The following RSRP1 variants were observed in gnomAD, a reference collection of about 807,000 sequenced individuals.
RSRP1 encodes the protein arginine/serine-rich protein 1.
Under a neutral mutation model 33.0 loss-of-function variants are expected in RSRP1, and 37 were observed. The ratio of observed to expected loss-of-function variants is 1.12; its 90% CI spans 0.86 to 1.48. The LOEUF (loss-of-function observed/expected upper bound fraction) is 1.48. Ranked by LOEUF, RSRP1 falls within the 40% of genes most tolerant of loss-of-function variation. The pLI is 0.00. For missense variants in RSRP1, 402 were observed against 385.3 expected (o/e 1.04, Z -0.36); for synonymous variants, 167 against 158.7 (o/e 1.05, Z -0.40).
At chr1:25,301,901 G>T (rs1381341277) in intron 1 of RSRP1, among the ~76,000 whole-genome samples, 1 of 131,116 alleles carries the variant, frequency 7.6e-6, no homozygotes, top group Non-Finnish European at 1.8e-5. Flanking sequence ...AGGCTTTCTG[G>T]GGGTAGTGAT....
At chr1:25,256,063 T>A (rs1213497681) in intron 1 of RSRP1, among the ~76,000 whole-genome samples, 2 of 152,066 alleles carry the variant, frequency 1.3e-5, no homozygotes, top group Admixed American at 1.3e-4. Flanking sequence ...GAGAACCAGC[T>A]CTGAACGTTG....
At chr1:25,293,076 T>C (rs1416379237) in intron 1 of RSRP1, among the ~76,000 whole-genome samples, 1 of 130,160 alleles carries the variant, frequency 7.7e-6, no homozygotes, top group African/African-American at 2.7e-5. Context: ...GCATGCATGG[T>C]TGTAGAGGAG....
At chr1:25,293,530 A>G (rs542003415) in intron 1 of RSRP1, among the ~76,000 whole-genome samples, 2,490 of 131,620 alleles carry the variant, frequency 0.019, 337 homozygotes, top group African/African-American at 0.059. Flanking sequence ...TTTACAATGG[A>G]TAATATTTTG....
upstream of RSRP1, chr1:25,247,661 G>C (rs1020644524): frequency 6.6e-6 from 1 of 152,312 alleles, no homozygotes; most frequent in Non-Finnish European, 1.5e-5. Context: ...TGATACATCA[G>C]GGTGTCCCGT....
rs1327655652 is a variant in RSRP1, at chr1:25,314,889, T to C, written c.-67+23089A>G. Among the ~76,000 whole-genome samples the C allele has an allele frequency of 5.3e-5, 7 of 131,062 alleles. 2 individuals carry two copies. Among genetic ancestry groups the C allele is most frequent in the South Asian group, 2.4e-4 (1 of 4,252 alleles). 86.0% of individuals were successfully genotyped at this position (131,062 alleles called of 152,430 possible). On this transcript the variant is annotated intron_variant, in intron 1 of 1. Transcript: ENST00000561867. ...CCAATTTATCATTGTTCCCTTTATG[T>C]TTAGTTCTTTTATGTCCTTTTTAAG...
chr1:25,259,997 T>C (rs28651843), intron 1 of RSRP1, among the ~76,000 whole-genome samples: 27,041 of 150,882 alleles, frequency 0.18, 3,769 homozygotes, highest in East Asian at 0.69. Context: ...GCACTGATTG[T>C]ATACGCATCC....
chr1:25,247,134 G>A (rs1639517837), intron 1 of RSRP1, 105 bp from the exon 2 acceptor site: 1 of 711,702 alleles, frequency 1.4e-6, no homozygotes, highest in Admixed American at 3.5e-5. Flanking sequence ...CACGGCGCGG[G>A]CGGCGACCGC....
intron 1 of RSRP1, among the ~76,000 whole-genome samples, chr1:25,285,786 T>C (rs943569452): frequency 2.2e-5 from 3 of 135,178 alleles, no homozygotes; most frequent in African/African-American, 7.7e-5. Context: ...TTGTTTTGTT[T>C]TGTTCAAACC....
chr1:25,270,461 G>C lies in RSRP1; in HGVS notation c.-66-23432C>G, dbSNP rs1156350510. Among the ~76,000 whole-genome samples, 2 of 131,182 alleles carry C rather than the reference G, an allele frequency of 1.5e-5. 1 individual carries two copies. Among genetic ancestry groups the C allele is most frequent in the Admixed American group, 1.5e-4 (2 of 13,554 alleles). 86.1% of individuals were successfully genotyped at this position (131,182 alleles called of 152,430 possible). A position where few individuals can be genotyped will look rare whatever the true frequency, so the allele number is the denominator to read the frequency against. On this transcript the variant is annotated intron_variant, in intron 1 of 1. Coordinates refer to the RSRP1 transcript ENST00000561867. The stretch of plus-strand genomic sequence containing the variant: ...AGGGGCACAAACCCTATTGGGAACC[G>C]CGCATGAGAGGGATCTAGGTTGCGT...
rs557746335 is a variant in RSRP1, at chr1:25,276,532, T to TAAA, written c.-66-29506_-66-29504dup. On this transcript the variant is annotated intron_variant, in intron 1 of 1. Transcript: ENST00000561867. ...ACATAGGGAGACCCCCCCCCATCTC[T>TAAA]AAAAAAAAAAAAAAAAAAAAAAACT... is the stretch of plus-strand genomic sequence containing the variant. Among the ~76,000 whole-genome samples, 61 of 64,782 alleles carry TAAA rather than the reference T, an allele frequency of 9.4e-4. 9 individuals are homozygous for TAAA. The highest frequency in any genetic ancestry group is 4.1e-3 in the African/African-American group (57 of 13,862). 42.5% of individuals were successfully genotyped at this position (64,782 alleles called of 152,430 possible).
chr1:25,336,428 C>T (rs1645075849), intron 1 of RSRP1: 1 of 145,184 alleles, frequency 6.9e-6, no homozygotes, highest in Admixed American at 6.7e-5. Context: ...ATATGGGTGG[C>T]TGGCTTTTGC....
intron 4 of RSRP1, among the ~76,000 whole-genome samples, chr1:25,243,025 C>G (rs1409654967): frequency 6.6e-6 from 1 of 151,960 alleles, no homozygotes; most frequent in East Asian, 1.9e-4. Flanking sequence ...AGGAGGCAGG[C>G]AGAAGCTGCA....
At chr1:25,245,806 G>C (rs1285031912) in intron 2 of RSRP1, among the ~76,000 whole-genome samples, 1 of 152,154 alleles carries the variant, frequency 6.6e-6, no homozygotes, top group African/African-American at 2.4e-5. Context: ...CTTCAAAGAT[G>C]TATTTCTGAA....
At chr1:25,254,593 GCCAA>G (rs1639891682) in intron 1 of RSRP1, among the ~76,000 whole-genome samples, 1 of 151,984 alleles carries the variant, frequency 6.6e-6, no homozygotes, top group Admixed American at 6.6e-5. Context: ...CTGCCACCAT[GCCAA>G]GTAATTTTTT....
upstream of RSRP1, among the ~76,000 whole-genome samples, chr1:25,250,827 G>C (rs1473443579): frequency 6.6e-6 from 1 of 152,048 alleles, no homozygotes; most frequent in Non-Finnish European, 1.5e-5. Flanking sequence ...TGGTCAACTT[G>C]GTGAAACCCC....
rs933465198 is a variant in RSRP1, at chr1:25,247,398, C to CCCTGCTTTCGCG, written c.-157_-156insCGCGAAAGCAGG. 5.9e-6 allele frequency: 1 copy of CCCTGCTTTCGCG among 169,946 alleles called. No individual in the cohort carries two copies. Among genetic ancestry groups the CCCTGCTTTCGCG allele is most frequent in the African/African-American group, 2.4e-5 (1 of 42,102 alleles). The allele number at this position is 169,946 out of a possible 1,614,324, so 10.5% of individuals were successfully genotyped here. A position where few individuals can be genotyped will look rare whatever the true frequency, so the allele number is the denominator to read the frequency against. The stretch of plus-strand genomic sequence containing the variant: ...CGTAAGACGAAGTGGGGCTTTTAGT[C>CCCTGCTTTCGCG]CCTGCTTTCGAACGGCGAATTCCAC... On this transcript the variant is annotated 5_prime_UTR_variant, in exon 1 of 5. Coordinates refer to ENST00000243189, the MANE Select transcript of RSRP1 (RefSeq NM_020317.5).
In RSRP1 at chr1:25,301,504, C is replaced by A; in HGVS notation, c.-67+36474G>T. The A allele has an allele frequency of 2.2e-6, 3 of 1,377,180 alleles. 1 individual carries two copies. Among genetic ancestry groups the A allele is most frequent in the Non-Finnish European group, 3.1e-6 (3 of 977,940 alleles). 85.3% of individuals were successfully genotyped at this position (1,377,180 alleles called of 1,614,324 possible). ...CAGGAGTGTGATTCTGGCCAACCAC[C>A]CTCTCTGGCCCCCAGGCGCCCTCTT... On this transcript the variant is annotated intron_variant, in intron 1 of 1. Transcript: ENST00000561867.
At chr1:25,304,198 A>G (rs1311442647) in intron 1 of RSRP1, among the ~76,000 whole-genome samples, 1 of 89,744 alleles carries the variant, frequency 1.1e-5, no homozygotes, top group African/African-American at 3.7e-5. Context: ...TCTAAGAGAA[A>G]TATTTAGGGA....
At position 25,314,707 on chromosome 1, in the gene RSRP1, T is replaced by C. The variant is rs1225273417; in HGVS notation, c.-67+23271A>G. On this transcript the variant is annotated intron_variant, in intron 1 of 1. Transcript: ENST00000561867. ...TTTTGGTAGAGACAGGGTTTTGCCATGTTGGACAGGCTGATCTTGGACTCC... is the reference window on the plus strand; with the variant it reads ...TTTTGGTAGAGACAGGGTTTTGCCACGTTGGACAGGCTGATCTTGGACTCC... 1.1e-4 allele frequency among the ~76,000 whole-genome samples: 15 copies of C among 131,904 alleles called. 3 individuals are homozygous for C. The highest frequency in any genetic ancestry group is 3.9e-4 in the East Asian group (2 of 5,128). The allele number at this position is 131,904 out of a possible 152,430, so 86.5% of individuals were successfully genotyped here. A position where few individuals can be genotyped will look rare whatever the true frequency, so the allele number is the denominator to read the frequency against.
Sources: gnomAD v4.1 joint callset for allele counts (sites outside exome capture counted in the v4.1 genomes callset) on GRCh38, gnomAD v4.1.1 for gene constraint, MANE v1.5 for transcripts, NCBI Gene and HGNC (gene_info 2026-07-23, HGNC 2026-07-21) for gene names.